Variants in STAB2 observed in about 807,000 individuals in gnomAD.
The protein encoded by STAB2 is stabilin 2.
Under a neutral mutation model 338.1 loss-of-function variants are expected in STAB2, and 288 were observed. That is an observed-to-expected ratio of 0.85 (90% CI 0.77 to 0.94). The LOEUF (loss-of-function observed/expected upper bound fraction) is 0.94. Among genes scored for constraint, STAB2 ranks in the 40% least tolerant of loss-of-function variants. The probability of loss-of-function intolerance (pLI) is 0.00; values close to 1 mark genes in which losing one functional copy is unlikely to be tolerated. For synonymous variants in STAB2, 1,202 were observed against 1,193.3 expected, an observed-to-expected ratio of 1.01 and a Z score of -0.15; for missense variants, 3,141 against 3,210.1, an observed-to-expected ratio of 0.98 and a Z score of 0.52.
At chr12:103,749,925 C>T (rs988327710) in intron 59 of STAB2, among the ~76,000 whole-genome samples, 1 of 147,994 alleles carries the variant, frequency 6.8e-6, no homozygotes, top group Non-Finnish European at 1.5e-5. Context: ...AGATAATGTC[C>T]GTTCCTGGTT....
intron 34 of STAB2, among the ~76,000 whole-genome samples, chr12:103,700,127 G>A (rs752901094): frequency 6.6e-5 from 10 of 152,098 alleles, no homozygotes; most frequent in Non-Finnish European, 1.3e-4. Context: ...ATATTTAAAC[G>A]TGTTTACAAT....
At chr12:103,758,047 G>T (rs563082771) in intron 63 of STAB2, 123 bp from the exon 64 acceptor site, 83 of 1,403,748 alleles carry the variant, frequency 5.9e-5, no homozygotes, top group Non-Finnish European at 7.6e-5. Flanking sequence ...CAAAGGAGCA[G>T]CAGGCTGAGT....
chr12:103,759,664 T>C (rs1159441935), intron 65 of STAB2, among the ~76,000 whole-genome samples: 2 of 151,884 alleles, frequency 1.3e-5, no homozygotes, highest in Admixed American at 1.3e-4. Context: ...TCCCTGTGTC[T>C]CAATTTCCCC....
chr12:103,658,828 C>A (rs1271218181), intron 15 of STAB2, among the ~76,000 whole-genome samples: 1 of 152,154 alleles, frequency 6.6e-6, no homozygotes, highest in Non-Finnish European at 1.5e-5. Flanking sequence ...CCAGACAGAC[C>A]CAGCCCCTGC....
At chr12:103,743,639 T>C (rs532506422) in intron 56 of STAB2, among the ~76,000 whole-genome samples, 1 of 152,332 alleles carries the variant, frequency 6.6e-6, no homozygotes, top group Admixed American at 6.5e-5. Context: ...TAGGCACATG[T>C]GGCTATCGAG....
intron 65 of STAB2, among the ~76,000 whole-genome samples, chr12:103,759,820 GGA>G (rs760132978): frequency 4.6e-5 from 7 of 152,194 alleles, no homozygotes; most frequent in Non-Finnish European, 8.8e-5. Context: ...ACGATAAATA[GGA>G]GAGAAGCATA....
At chr12:103,763,365 C>T (rs1685222839) in intron 67 of STAB2, 127 bp from the exon 68 acceptor site, 3 of 707,860 alleles carry the variant, frequency 4.2e-6, no homozygotes, top group African/African-American at 1.8e-5. Flanking sequence ...AATCATCTCT[C>T]AACAAAGTAC....
chr12:103,711,208 G>A, intron 39 of STAB2: 1 of 482,486 alleles, frequency 2.1e-6, no homozygotes. Flanking sequence ...GGAGAATTCT[G>A]TGTTTTATTC....
intron 2 of STAB2, 101 bp downstream of exon 2, chr12:103,591,131 G>A (rs904433848): frequency 5.9e-6 from 9 of 1,517,442 alleles, no homozygotes; most frequent in African/African-American, 1.4e-5. Flanking sequence ...CTTGCTCTAA[G>A]ACAATAAGCC....
At chr12:103,654,018 A>AGGATGCATGCAT (rs1439161142) in intron 12 of STAB2, among the ~76,000 whole-genome samples, 4 of 152,010 alleles carry the variant, frequency 2.6e-5, no homozygotes, top group Non-Finnish European at 5.9e-5. Context: ...AGATGGATGG[A>AGGATGCATGCAT]GGATGCATGC....
chr12:103,648,389 AT>A (rs1278903500), intron 9 of STAB2, among the ~76,000 whole-genome samples: 1 of 152,166 alleles, frequency 6.6e-6, no homozygotes, highest in African/African-American at 2.4e-5. Flanking sequence ...TAAATATGTT[AT>A]ATTAAATATA....
At chr12:103,675,832 C>A in intron 23 of STAB2, 96 bp from the exon 24 acceptor site, 1 of 907,376 alleles carries the variant, frequency 1.1e-6, no homozygotes, top group Non-Finnish European at 1.7e-6. Context: ...AGGATGGAGC[C>A]ATTTGGCCAG....
intron 30 of STAB2, among the ~76,000 whole-genome samples, 166 bp from the exon 31 acceptor site, chr12:103,692,646 A>T (rs1356786697): frequency 6.6e-6 from 1 of 151,552 alleles, no homozygotes; most frequent in Non-Finnish European, 1.5e-5. Flanking sequence ...AGAGAGAGAG[A>T]GAGAGGGGTC....
intron 3 of STAB2, among the ~76,000 whole-genome samples, chr12:103,605,730 TG>T (rs1957018299): frequency 6.6e-6 from 1 of 152,074 alleles, no homozygotes; most frequent in Non-Finnish European, 1.5e-5. Flanking sequence ...TCTTTATACC[TG>T]GTAAAAATAT....
intron 3 of STAB2, among the ~76,000 whole-genome samples, chr12:103,600,718 A>G (rs703604): frequency 0.4 from 60,107 of 152,126 alleles, 13,362 homozygotes; most frequent in East Asian, 0.62. Flanking sequence ...AGCACCTCCT[A>G]TAGAGAAAAC....
At position 103,689,896 on chromosome 12, in the gene STAB2, C is replaced by G. The variant is rs780980945; in HGVS notation, c.3096C>G (p.Leu1032=). 2 of 1,614,186 alleles carry G rather than the reference C, an allele frequency of 1.2e-6. No homozygotes were observed. The highest frequency in any genetic ancestry group is 1.7e-6 in the Non-Finnish European group (2 of 1,180,024). ...TLSATSNLTV[L]VPSQQATEDM... The stretch of plus-strand genomic sequence containing the variant: ...CAGCCACCTCAAACCTCACTGTCCT[C>G]GTGCCTTCCCAACAAGCTACTGAGG... Residue 1032 remains leucine, a synonymous_variant, in exon 29 of 69, where the codon CTC becomes CTG. Coordinates refer to ENST00000388887, the MANE Select transcript of STAB2 (RefSeq NM_017564.10).
Position 103,640,227 on chromosome 12 carries a change from T to C in STAB2, c.1011T>C (p.Asn337=), listed in dbSNP as rs781686028. 3.1e-6 allele frequency: 5 copies of C among 1,613,606 alleles called. No homozygotes were observed. The Admixed American group carries it at 5.0e-5, about 16-fold the overall frequency. The part of the protein sequence containing the change: ...KSDNPCHRNA[N]CTTVAPGRTE... ...ATAACCCGTGTCATAGGAATGCAAA[T>C]TGCACCACCGTCGCACCAGGCCGAA... The change falls in exon 9 of 69, where the codon AAT becomes AAC. Residue 337 remains asparagine (N), a synonymous_variant. Transcript: ENST00000388887.
intron 45 of STAB2, among the ~76,000 whole-genome samples, chr12:103,725,624 A>G (rs1468972966): frequency 6.6e-6 from 1 of 151,506 alleles, no homozygotes; most frequent in Admixed American, 6.6e-5. Flanking sequence ...TTGTGTGTGC[A>G]TGCAGGTGCA....
intron 26 of STAB2, 40 bp from the exon 27 acceptor site, chr12:103,684,949 T>G: frequency 6.2e-7 from 1 of 1,600,632 alleles, no homozygotes; most frequent in Non-Finnish European, 8.6e-7. Context: ...GTCTAACGTT[T>G]TTGTTGGGGT....
Sources: gnomAD v4.1 joint callset for allele counts (sites outside exome capture counted in the v4.1 genomes callset) on GRCh38, gnomAD v4.1.1 for gene constraint, MANE v1.5 for transcripts, NCBI Gene and HGNC (gene_info 2026-07-23, HGNC 2026-07-21) for gene names.